The following TAS2R1 variants were observed in gnomAD, a reference collection of about 807,000 sequenced individuals.
The protein encoded by TAS2R1 is taste 2 receptor member 1, also known as taste receptor type 2 member 1.
For synonymous variants in TAS2R1, 141 were observed against 134.2 expected (o/e 1.05, Z -0.35); for missense variants, 370 against 353.4 (o/e 1.05, Z -0.38).
the TAS2R1 span, among the ~76,000 whole-genome samples, chr5:9,880,346 C>A: frequency 6.6e-6 from 1 of 152,086 alleles, no homozygotes; most frequent in Non-Finnish European, 1.5e-5. Flanking sequence ...AACTATGGTA[C>A]ATCAGAAGGA....
the TAS2R1 span, chr5:9,889,860 A>G: frequency 0.17 from 25,657 of 152,226 alleles, 3,160 homozygotes; most frequent in African/African-American, 0.35. Context: ...CAGAATAGCC[A>G]TGACATTTGT....
the TAS2R1 span, among the ~76,000 whole-genome samples, chr5:9,764,521 C>T: frequency 6.6e-6 from 1 of 152,162 alleles, no homozygotes; most frequent in Non-Finnish European, 1.5e-5. Context: ...AGTCAGTCAG[C>T]TTACAGCTCG....
chr5:9,716,616 T>C (rs1579798128), upstream of TAS2R1, among the ~76,000 whole-genome samples: 1 of 152,028 alleles, frequency 6.6e-6, no homozygotes, highest in South Asian at 2.1e-4. Flanking sequence ...AAACCTAGAC[T>C]AATGAGTTCC....
At chr5:9,812,773 C>G in the TAS2R1 span, among the ~76,000 whole-genome samples, 6 of 152,292 alleles carry the variant, frequency 3.9e-5, no homozygotes, top group African/African-American at 1.4e-4. Flanking sequence ...TAGAACAGTT[C>G]ATGGGTAGTG....
intron 2 of TAS2R1, among the ~76,000 whole-genome samples, chr5:9,653,372 T>C (rs926935234): frequency 9.9e-5 from 15 of 152,226 alleles, no homozygotes; most frequent in African/African-American, 3.6e-4. Flanking sequence ...TCAATAATGT[T>C]CCATTTTATG....
chr5:9,791,839 T>C, the TAS2R1 span, among the ~76,000 whole-genome samples: 1 of 152,224 alleles, frequency 6.6e-6, no homozygotes, highest in African/African-American at 2.4e-5. Context: ...GCTTCCAATG[T>C]AGAGGACGCA....
chr5:9,727,950 G>A, the TAS2R1 span, among the ~76,000 whole-genome samples: 1 of 152,188 alleles, frequency 6.6e-6, no homozygotes, highest in Non-Finnish European at 1.5e-5. Flanking sequence ...ATGCAGGGCA[G>A]TCGCCAGATC....
chr5:9,696,657 T>C (rs1451138664), intron 1 of TAS2R1, among the ~76,000 whole-genome samples: 1 of 152,102 alleles, frequency 6.6e-6, no homozygotes, highest in African/African-American at 2.4e-5. Flanking sequence ...CAGAGGGACA[T>C]TCATGCTTTA....
chr5:9,900,373 T>C, the TAS2R1 span, among the ~76,000 whole-genome samples: 23 of 152,222 alleles, frequency 1.5e-4, no homozygotes, highest in Non-Finnish European at 2.6e-4. Context: ...TAAGATTTAA[T>C]ATTTTACCCT....
chr5:9,629,656 A>G lies in TAS2R1; in HGVS notation c.377T>C (p.Val126Ala). The G allele has an allele frequency of 1.2e-6, 2 of 1,614,156 alleles. No homozygotes were observed. The highest frequency in any genetic ancestry group is 1.7e-5 in the Admixed American group (1 of 59,996). ...IWLKMRISKL[V>A]PWMILGSLLY... ...CAGAGACCCCAGGATCATCCATGGG[A>G]CCAGCTTGGATATCCTCATCTTCAA... Residue 126 changes from valine to alanine, a missense_variant, in exon 1 of 1, where the codon GTC becomes GCC. Val to Ala is a moderately conservative substitution (Grantham distance 64). Coordinates refer to ENST00000382492, the MANE Select transcript of TAS2R1 (RefSeq NM_019599.3).
At chr5:9,730,313 C>A in the TAS2R1 span, among the ~76,000 whole-genome samples, 1 of 152,170 alleles carries the variant, frequency 6.6e-6, no homozygotes, top group Admixed American at 6.5e-5. Flanking sequence ...AGTGAACTGG[C>A]AAGTAGGTCC....
the TAS2R1 span, among the ~76,000 whole-genome samples, chr5:9,803,016 G>T: frequency 1.8e-4 from 28 of 152,262 alleles, no homozygotes; most frequent in South Asian, 5.4e-3. Context: ...GGATATGAAA[G>T]GAAAAGTCTT....
chr5:9,890,537 C>T, the TAS2R1 span, among the ~76,000 whole-genome samples: 1 of 152,114 alleles, frequency 6.6e-6, no homozygotes, highest in Non-Finnish European at 1.5e-5. Flanking sequence ...TGTTGCCATC[C>T]TAAAGTAACA....
the TAS2R1 span, among the ~76,000 whole-genome samples, chr5:9,724,190 C>A: frequency 6.6e-6 from 1 of 152,184 alleles, no homozygotes. Context: ...TCCCATCGGC[C>A]ACATTAGGCC....
At chr5:9,673,480 A>C (rs189709794) in intron 1 of TAS2R1, among the ~76,000 whole-genome samples, 2 of 152,192 alleles carry the variant, frequency 1.3e-5, no homozygotes, top group East Asian at 3.9e-4. Context: ...AAATGTTATA[A>C]AATCATCACA....
the TAS2R1 span, among the ~76,000 whole-genome samples, chr5:9,772,084 T>C: frequency 6.6e-6 from 1 of 152,090 alleles, no homozygotes; most frequent in South Asian, 2.1e-4. Context: ...GTTTTTAAGA[T>C]GCACCATTAG....
At chr5:9,780,469 T>C in the TAS2R1 span, among the ~76,000 whole-genome samples, 1 of 152,206 alleles carries the variant, frequency 6.6e-6, no homozygotes, top group African/African-American at 2.4e-5. Context: ...CTAATGGACA[T>C]TGCTAATTCT....
chr5:9,748,660 CA>C, the TAS2R1 span, among the ~76,000 whole-genome samples: 2 of 152,096 alleles, frequency 1.3e-5, no homozygotes, highest in South Asian at 4.1e-4. Flanking sequence ...AACCAGCTCT[CA>C]AGGGAATGAA....
At chr5:9,838,594 G>A in the TAS2R1 span, among the ~76,000 whole-genome samples, 1 of 152,132 alleles carries the variant, frequency 6.6e-6, no homozygotes, top group Admixed American at 6.5e-5. Context: ...ACTGACATTT[G>A]CCTCTGATTC....
Sources: allele counts gnomAD v4.1 joint callset (sites outside exome capture counted in the v4.1 genomes callset), GRCh38; gene constraint gnomAD v4.1.1; transcripts MANE v1.5; gene names NCBI Gene and HGNC (gene_info 2026-07-23, HGNC 2026-07-21).